The following MYOM2 variants were observed in gnomAD, a reference collection of about 807,000 sequenced individuals.
MYOM2 encodes the protein myomesin 2.
MYOM2 carries 254 observed loss-of-function variants against 187.6 expected under a neutral mutation model. The observed-to-expected ratio is 1.35, with a 90% CI of 1.22 to 1.50. The LOEUF is 1.50. Among genes scored for constraint, MYOM2 ranks in the 40% most tolerant of loss-of-function variants. The probability of loss-of-function intolerance (pLI) is 0.00; values close to 1 mark genes in which losing one functional copy is unlikely to be tolerated. For synonymous variants in MYOM2, 981 were observed against 753.8 expected, an observed-to-expected ratio of 1.30 and a Z score of -4.94; for missense variants, 2,796 against 1,924.0, an observed-to-expected ratio of 1.45 and a Z score of -8.48.
At position 2,141,127 on chromosome 8, in the gene MYOM2, C is replaced by G. The variant is rs746817802; in HGVS notation, c.3965-14C>G. The G allele has an allele frequency of 1.2e-6, 2 of 1,610,644 alleles. No homozygotes were observed. Among genetic ancestry groups the G allele is most frequent in the Non-Finnish European group, 1.7e-6 (2 of 1,177,528 alleles). On this transcript the variant is annotated splice_polypyrimidine_tract_variant and intron_variant, in intron 33 of 36. Coordinates refer to ENST00000262113, the MANE Select transcript of MYOM2 (RefSeq NM_003970.4). ...ACTGAAATGGTTAGTAACGTATGAA[C>G]TATTTCCTCACAGCTTTTGATGAAG...
chr8:2,052,370 GA>G, intron 3 of MYOM2, 57 bp downstream of exon 3: 3 of 1,521,736 alleles, frequency 2.0e-6, no homozygotes, highest in Non-Finnish European at 2.6e-6. Context: ...ACAGTGGAGG[GA>G]CAGTGGGGTG....
rs75537533 is a variant in MYOM2 at position 2,094,627 on chromosome 8, G to C, written c.2125+536G>C. On this transcript the variant is annotated intron_variant, in intron 17 of 36. Coordinates refer to ENST00000262113, the MANE Select transcript of MYOM2 (RefSeq NM_003970.4). Reference sequence around the variant, plus strand: ...GATCGTGCCACTGTACTCCAGCCTGGGGGGACAGAGCAAGACTCCGTCTCA... The same window carrying C: ...GATCGTGCCACTGTACTCCAGCCTGCGGGGACAGAGCAAGACTCCGTCTCA... Among the ~76,000 whole-genome samples the C allele has an allele frequency of 5.6e-3, 857 of 152,284 alleles. 5 individuals carry two copies. Among genetic ancestry groups the C allele is most frequent in the East Asian group, 0.022 (113 of 5,184 alleles).
At chr8:2,128,377 T>C (rs1797729520) in intron 31 of MYOM2, among the ~76,000 whole-genome samples, 1 of 152,252 alleles carries the variant, frequency 6.6e-6, no homozygotes, top group Non-Finnish European at 1.5e-5. Context: ...GGTGATCATC[T>C]TATTTTCCAT....
Position 2,123,565 on chromosome 8 carries a change from A to G in MYOM2, c.3578A>G (p.Lys1193Arg). Residue 1193 changes from lysine (K) to arginine (R), a missense_variant, in exon 30 of 37, where the codon AAG becomes AGG. Lys to Arg is a conservative substitution (Grantham distance 26). Transcript: ENST00000262113. ...CELLIPKLSKKDHGEYKATLK... is the reference protein window; with the variant it reads ...CELLIPKLSKRDHGEYKATLK... ...GTGTTTTCTTTGTAGTTGTCAAAGAAGGACCACGGTGAATACAAGGCAACC... is the reference window on the plus strand; with the variant it reads ...GTGTTTTCTTTGTAGTTGTCAAAGAGGGACCACGGTGAATACAAGGCAACC... The G allele has an allele frequency of 8.1e-6, 13 of 1,614,012 alleles. No homozygotes were observed. Among genetic ancestry groups the G allele is most frequent in the Non-Finnish European group, 1.1e-5 (13 of 1,179,886 alleles).
At chr8:2,105,245 G>A (rs1018836339) in intron 21 of MYOM2, among the ~76,000 whole-genome samples, 5 of 152,098 alleles carry the variant, frequency 3.3e-5, no homozygotes, top group African/African-American at 9.7e-5. Flanking sequence ...GGCTGTCTGT[G>A]GTGGCCTCTT....
intron 11 of MYOM2, among the ~76,000 whole-genome samples, chr8:2,077,709 C>G (rs1328649395): frequency 6.6e-6 from 1 of 152,100 alleles, no homozygotes; most frequent in Non-Finnish European, 1.5e-5. Flanking sequence ...TGCACTGTCT[C>G]AGCTAACAAT....
chr8:2,105,764 C>T (rs765935799), intron 21 of MYOM2, among the ~76,000 whole-genome samples: 3 of 152,216 alleles, frequency 2.0e-5, no homozygotes, highest in Non-Finnish European at 4.4e-5. Flanking sequence ...CTCATCAGTC[C>T]TGGGTCATTA....
intron 13 of MYOM2, among the ~76,000 whole-genome samples, chr8:2,082,549 G>A (rs1244535008): frequency 6.6e-6 from 1 of 152,074 alleles, no homozygotes; most frequent in Non-Finnish European, 1.5e-5. Context: ...TTAATCTTGG[G>A]CAATGTCTTC....
rs112542689 is a variant in MYOM2 at position 2,050,750 on chromosome 8, T to C, written c.-12-5T>C. 0.044 allele frequency: 69,975 copies of C among 1,578,868 alleles called. 1,794 individuals carry two copies. Among genetic ancestry groups the C allele is most frequent in the Middle Eastern group, 0.061 (359 of 5,866 alleles). On this transcript the variant is annotated splice_region_variant and splice_polypyrimidine_tract_variant and intron_variant, in intron 1 of 36. Coordinates refer to ENST00000262113, the MANE Select transcript of MYOM2 (RefSeq NM_003970.4). ...GCTCAGTGTTGTGTGTGACTCTCTTTGTAGGAGCACGCCAAGATGTCCCTT... is the reference window on the plus strand; with the variant it reads ...GCTCAGTGTTGTGTGTGACTCTCTTCGTAGGAGCACGCCAAGATGTCCCTT...
chr8:2,120,861 T>C, intron 28 of MYOM2, among the ~76,000 whole-genome samples: 1 of 150,464 alleles, frequency 6.6e-6, no homozygotes, highest in East Asian at 2.0e-4. Flanking sequence ...ATAGGTTCGA[T>C]AACATGCTCA....
intron 31 of MYOM2, chr8:2,127,877 T>A (rs944011719): frequency 1.3e-5 from 2 of 152,942 alleles, no homozygotes; most frequent in African/African-American, 4.8e-5. Flanking sequence ...GTTTATTTAT[T>A]TTTGGTTGGT....
chr8:2,096,190 G>A (rs559835594), intron 17 of MYOM2, 57 bp from the exon 18 acceptor site: 74 of 1,552,914 alleles, frequency 4.8e-5, no homozygotes, highest in African/African-American at 4.2e-4. Flanking sequence ...TGGCTGCCCC[G>A]GGGACAAAGC....
intron 25 of MYOM2, among the ~76,000 whole-genome samples, chr8:2,113,868 T>G (rs771697150): frequency 1.3e-5 from 2 of 152,186 alleles, no homozygotes; most frequent in Non-Finnish European, 2.9e-5. Context: ...GTTTGGTATT[T>G]CTCACTGCCA....
rs2116842124 is a variant in MYOM2 at position 2,117,933 on chromosome 8, A to G, written c.3434A>G (p.Glu1145Gly). ...CACTGGGATGTCACGGAAGAATGTG[A>G]AGTTCGACTTGTTTGCAAGGTGAGA... ...YLHWDVTEEC[E>G]VRLVCKVANT... Residue 1145 changes from glutamate (E) to glycine (G), a missense_variant, in exon 28 of 37, where the codon GAA becomes GGA. Glu to Gly is a moderately conservative substitution (Grantham distance 98). Coordinates refer to ENST00000262113, the MANE Select transcript of MYOM2 (RefSeq NM_003970.4). 4.3e-6 allele frequency: 7 copies of G among 1,613,254 alleles called. No homozygotes were observed. Among genetic ancestry groups the G allele is most frequent in the East Asian group, 2.2e-5 (1 of 44,864 alleles).
chr8:2,102,255 T>C (rs1427379554), intron 20 of MYOM2: 1 of 159,102 alleles, frequency 6.3e-6, no homozygotes, highest in Non-Finnish European at 1.4e-5. Flanking sequence ...TTAATAAGAA[T>C]AACCCATGTA....
At chr8:2,071,346 T>G (rs918409873) in intron 8 of MYOM2, among the ~76,000 whole-genome samples, 4 of 151,138 alleles carry the variant, frequency 2.6e-5, no homozygotes, top group South Asian at 4.2e-4. Flanking sequence ...AACCATACAG[T>G]TTTTTTTTGG....
intron 36 of MYOM2, 142 bp downstream of exon 36, chr8:2,143,598 C>CT (rs371316890): frequency 1.1e-6 from 1 of 949,560 alleles, no homozygotes; most frequent in East Asian, 2.6e-5. Context: ...GAGTCCCCCC[C>CT]ACTTTTCTGC....
intron 6 of MYOM2, among the ~76,000 whole-genome samples, chr8:2,068,128 G>A (rs1488882440): frequency 1.3e-5 from 2 of 152,188 alleles, no homozygotes; most frequent in African/African-American, 4.8e-5. Flanking sequence ...ATGCTCGTGT[G>A]CGCCAGGCAG....
At chr8:2,051,305 A>G (rs1322764962) in intron 2 of MYOM2, among the ~76,000 whole-genome samples, 1 of 152,182 alleles carries the variant, frequency 6.6e-6, no homozygotes, top group Non-Finnish European at 1.5e-5. Context: ...TACATCGATC[A>G]TGGATGTGCC....
Sources: allele counts gnomAD v4.1 joint callset (sites outside exome capture counted in the v4.1 genomes callset), GRCh38; gene constraint gnomAD v4.1.1; transcripts MANE v1.5; gene names NCBI Gene and HGNC (gene_info 2026-07-23, HGNC 2026-07-21).